IL1RL1: variants seen among roughly 807,000 people sequenced by gnomAD.
IL1RL1 encodes interleukin 1 receptor like 1, also known as interleukin-1 receptor-like 1.
Under a neutral mutation model 50.9 loss-of-function variants are expected in IL1RL1, and 32 were observed. The ratio of observed to expected loss-of-function variants is 0.63; its 90% CI spans 0.47 to 0.84. IL1RL1 has a LOEUF of 0.84. Among genes scored for constraint, IL1RL1 ranks in the 40% least tolerant of loss-of-function variants. IL1RL1 has a pLI of 0.00. For missense variants in IL1RL1, 773 were observed against 662.9 expected, an observed-to-expected ratio of 1.17 and a Z score of -1.82; for synonymous variants, 275 against 236.0, an observed-to-expected ratio of 1.17 and a Z score of -1.51.
rs184372967 is a variant in IL1RL1, at chr2:102,343,749, G to A, written c.970+334G>A. On this transcript the variant is annotated intron_variant, in intron 8 of 10. Coordinates refer to ENST00000233954, the MANE Select transcript of IL1RL1 (RefSeq NM_016232.5). ...TGTGAAAGGAAATGCACCAACAACC[G>A]TAAACTGAACGTGTTCTTTTGTGCT... 3.6e-4 allele frequency: 437 copies of A among 1,217,632 alleles called. 1 individual carries two copies. The highest frequency in any genetic ancestry group is 4.2e-4 in the Non-Finnish European group (412 of 969,940). 75.4% of individuals were successfully genotyped at this position (1,217,632 alleles called of 1,614,324 possible).
chr2:102,326,967 T>C (rs1677020787), intron 1 of IL1RL1, among the ~76,000 whole-genome samples: 2 of 152,108 alleles, frequency 1.3e-5, no homozygotes, highest in African/African-American at 4.8e-5. Context: ...TTAACAAGGA[T>C]ATCCAGGAGT....
intron 10 of IL1RL1, among the ~76,000 whole-genome samples, chr2:102,350,878 T>G (rs771282110): frequency 6.6e-5 from 10 of 152,228 alleles, no homozygotes; most frequent in Non-Finnish European, 1.2e-4. Flanking sequence ...CGGTTGTGCT[T>G]TCTCCTGTTG....
At chr2:102,320,741 C>T (rs1276025817) in intron 1 of IL1RL1, among the ~76,000 whole-genome samples, 1 of 152,162 alleles carries the variant, frequency 6.6e-6, no homozygotes. Context: ...TAGTTCTACC[C>T]TCAAAATCTA....
chr2:102,346,323 A>C (rs1372923458), intron 8 of IL1RL1, among the ~76,000 whole-genome samples: 1 of 152,220 alleles, frequency 6.6e-6, no homozygotes, highest in Non-Finnish European at 1.5e-5. Context: ...TCAATACTTC[A>C]AAGTAAAAGA....
intron 8 of IL1RL1, chr2:102,345,657 G>A: frequency 1.0e-6 from 1 of 985,354 alleles, no homozygotes; most frequent in Non-Finnish European, 1.2e-6. Flanking sequence ...GGTTTTTCTT[G>A]TTTTAATTTT....
rs75973238 is a variant in IL1RL1 at position 102,347,436 on chromosome 2, G to A, written c.971-509G>A. ...TCAAGTCTGGACAGAACCTGGCCCT[G>A]ACCAAACTTTCTAATCATATCTTCC... On this transcript the variant is annotated intron_variant, in intron 8 of 10. Coordinates refer to ENST00000233954, the MANE Select transcript of IL1RL1 (RefSeq NM_016232.5). Among the ~76,000 whole-genome samples, 9 of 152,190 alleles carry A rather than the reference G, an allele frequency of 5.9e-5. No homozygotes were observed. The East Asian group carries it at 1.7e-3, about 29-fold the overall frequency.
At chr2:102,342,594 C>A (rs1677614306) in intron 6 of IL1RL1, among the ~76,000 whole-genome samples, 1 of 152,136 alleles carries the variant, frequency 6.6e-6, no homozygotes, top group African/African-American at 2.4e-5. Flanking sequence ...GCAGGGTGTT[C>A]ATTCTGGGCA....
chr2:102,342,910 TGAGG>T, intron 6 of IL1RL1, 122 bp from the exon 7 acceptor site: 1 of 819,946 alleles, frequency 1.2e-6, no homozygotes, highest in Non-Finnish European at 2.0e-6. Flanking sequence ...GTGCTAGAGA[TGAGG>T]GAGGGAGGTC....
chr2:102,328,628 A>G (rs1256783005), intron 1 of IL1RL1, among the ~76,000 whole-genome samples: 1 of 152,212 alleles, frequency 6.6e-6, no homozygotes, highest in East Asian at 1.9e-4. Context: ...TTAAGCTGAT[A>G]GGCAACTTCA....
At position 102,316,043 on chromosome 2, in the gene IL1RL1, C is replaced by T. The variant is rs143655567; in HGVS notation, c.-150+4420C>T. ...CTCAGTCTGCCAGTGATGGTTTGTGCCTCTGGTCGCTGGGTCAGATCCAGG... is the reference window on the plus strand; with the variant it reads ...CTCAGTCTGCCAGTGATGGTTTGTGTCTCTGGTCGCTGGGTCAGATCCAGG... On this transcript the variant is annotated intron_variant, in intron 1 of 10. Transcript: ENST00000233954. Among the ~76,000 whole-genome samples, 55 of 152,284 alleles carry T rather than the reference C, an allele frequency of 3.6e-4. No homozygotes were observed. The East Asian group carries it at 9.4e-3, about 26-fold the overall frequency.
At chr2:102,346,043 A>G (rs753163964) in intron 8 of IL1RL1, 1 of 979,894 alleles carries the variant, frequency 1.0e-6, no homozygotes, top group Non-Finnish European at 1.2e-6. Flanking sequence ...TTAAATCAAC[A>G]TGGTTACACT....
At chr2:102,322,540 T>G (rs1249747643) in intron 1 of IL1RL1, among the ~76,000 whole-genome samples, 1 of 152,192 alleles carries the variant, frequency 6.6e-6, no homozygotes, top group African/African-American at 2.4e-5. Flanking sequence ...ACATTTATCG[T>G]GTTGTGACAG....
chr2:102,332,940 G>T (rs1677215610), intron 1 of IL1RL1, among the ~76,000 whole-genome samples: 1 of 152,126 alleles, frequency 6.6e-6, no homozygotes, highest in Non-Finnish European at 1.5e-5. Flanking sequence ...GCTCTTGGAG[G>T]AGGTGGGTAA....
intron 5 of IL1RL1, 134 bp from the exon 6 acceptor site, chr2:102,342,079 GTGTGTGTGTT>G: frequency 3.8e-6 from 2 of 529,842 alleles, no homozygotes; most frequent in Non-Finnish European, 6.8e-6. Flanking sequence ...GTGTGTGTGT[GTGTGTGTGTT>G]TGTCATTATG....
chr2:102,350,313 T>G (rs571336121), intron 10 of IL1RL1, among the ~76,000 whole-genome samples: 134 of 152,366 alleles, frequency 8.8e-4, no homozygotes, highest in African/African-American at 3.0e-3. Context: ...TCACCTCTTC[T>G]TTTTCAGTCT....
At chr2:102,350,987 G>A (rs1212799348) in intron 10 of IL1RL1, among the ~76,000 whole-genome samples, 1 of 152,160 alleles carries the variant, frequency 6.6e-6, no homozygotes, top group Non-Finnish European at 1.5e-5. Flanking sequence ...TGGGAAAGGG[G>A]ATCTATTGTC....
At chr2:102,321,947 T>C (rs2104964366) in intron 1 of IL1RL1, among the ~76,000 whole-genome samples, 1 of 152,352 alleles carries the variant, frequency 6.6e-6, no homozygotes, top group East Asian at 1.9e-4. Context: ...GTCATTGATA[T>C]GTGCTGTCTT....
At chr2:102,336,075 A>G (rs1363829072) in intron 1 of IL1RL1, among the ~76,000 whole-genome samples, 1 of 152,232 alleles carries the variant, frequency 6.6e-6, no homozygotes, top group African/African-American at 2.4e-5. Flanking sequence ...ATTCAAGAGT[A>G]GTCCCAGCCC....
At chr2:102,312,880 A>G (rs1448669933) in intron 1 of IL1RL1, 1 of 152,134 alleles carries the variant, frequency 6.6e-6, no homozygotes, top group African/African-American at 2.4e-5. Flanking sequence ...TATCCACTGA[A>G]TGTCAGTTTT....
Sources: allele counts gnomAD v4.1 joint callset (sites outside exome capture counted in the v4.1 genomes callset), GRCh38; gene constraint gnomAD v4.1.1; transcripts MANE v1.5; gene names NCBI Gene and HGNC (gene_info 2026-07-23, HGNC 2026-07-21).